Variants in KCNB2 observed in about 807,000 individuals in gnomAD.
KCNB2 encodes potassium voltage-gated channel subfamily B member 2, also known as delayed rectifier potassium channel protein.
Under a neutral mutation model 61.5 loss-of-function variants are expected in KCNB2, and 15 were observed. The ratio of observed to expected loss-of-function variants is 0.24; its 90% CI spans 0.16 to 0.38. The LOEUF (loss-of-function observed/expected upper bound fraction) is 0.38. KCNB2 is among the 10% of genes least tolerant of loss of function. KCNB2 has a pLI of 1.00. For synonymous variants in KCNB2, 457 were observed against 446.0 expected, an observed-to-expected ratio of 1.02 and a Z score of -0.31; for missense variants, 828 against 1,125.2, an observed-to-expected ratio of 0.74 and a Z score of 3.78.
intron 2 of KCNB2, among the ~76,000 whole-genome samples, chr8:72,615,708 T>C (rs1347934500): frequency 1.3e-5 from 2 of 152,210 alleles, no homozygotes; most frequent in African/African-American, 4.8e-5. Context: ...TTGATACCTC[T>C]ACTGTACTCT....
chr8:72,873,610 G>A (rs879413398), intron 2 of KCNB2, among the ~76,000 whole-genome samples: 6 of 152,232 alleles, frequency 3.9e-5, no homozygotes, highest in Non-Finnish European at 5.9e-5. Flanking sequence ...ACCAACAGGT[G>A]AACAAGAACC....
chr8:72,637,553 G>T (rs1261340779), intron 2 of KCNB2, among the ~76,000 whole-genome samples: 1 of 152,112 alleles, frequency 6.6e-6, no homozygotes, highest in Non-Finnish European at 1.5e-5. Flanking sequence ...ATGAGGAAAT[G>T]TAAACAGCAC....
At chr8:72,841,290 C>T (rs1809878831) in intron 2 of KCNB2, among the ~76,000 whole-genome samples, 1 of 144,886 alleles carries the variant, frequency 6.9e-6, no homozygotes, top group African/African-American at 2.6e-5. Flanking sequence ...GTACCATGCT[C>T]TTTTGGTTAC....
intron 2 of KCNB2, among the ~76,000 whole-genome samples, chr8:72,831,535 A>G (rs1414577003): frequency 6.6e-6 from 1 of 152,252 alleles, no homozygotes. Flanking sequence ...GGTGTGATTC[A>G]AACAGTGGAC....
intron 2 of KCNB2, among the ~76,000 whole-genome samples, chr8:72,823,935 A>T (rs1411216713): frequency 2.0e-5 from 3 of 152,174 alleles, no homozygotes; most frequent in Non-Finnish European, 4.4e-5. Flanking sequence ...GGACCCTGGG[A>T]GCCCCATCTT....
At chr8:72,678,394 CCATGTGACTG>C (rs1300910561) in intron 2 of KCNB2, among the ~76,000 whole-genome samples, 1 of 152,180 alleles carries the variant, frequency 6.6e-6, no homozygotes, top group Non-Finnish European at 1.5e-5. Flanking sequence ...CCTGCAGGGT[CCATGTGACTG>C]TTTCTTCACT....
chr8:72,639,066 T>C (rs1489222), intron 2 of KCNB2, among the ~76,000 whole-genome samples: 130,398 of 152,104 alleles, frequency 0.86, 56,115 homozygotes, highest in Admixed American at 0.9. Flanking sequence ...AGTGATGGCA[T>C]GGGCTGATAA....
chr8:72,657,958 C>T (rs946586788), intron 2 of KCNB2, among the ~76,000 whole-genome samples: 7 of 152,116 alleles, frequency 4.6e-5, no homozygotes, highest in African/African-American at 1.4e-4. Context: ...TCAGCTCTTC[C>T]TCCATCTGTC....
At chr8:72,900,414 A>AC (rs1437780510) in intron 2 of KCNB2, among the ~76,000 whole-genome samples, 1 of 152,120 alleles carries the variant, frequency 6.6e-6, no homozygotes, top group Middle Eastern at 3.2e-3. Context: ...CCCAGGAAAT[A>AC]CCCCTCTCAA....
chr8:72,892,615 T>G (rs1232452157), intron 2 of KCNB2, among the ~76,000 whole-genome samples: 1 of 152,128 alleles, frequency 6.6e-6, no homozygotes, highest in Non-Finnish European at 1.5e-5. Flanking sequence ...GCTCCTGAAG[T>G]TTACACAGCT....
At chr8:72,769,991 C>T (rs1441926269) in intron 2 of KCNB2, among the ~76,000 whole-genome samples, 1 of 152,154 alleles carries the variant, frequency 6.6e-6, no homozygotes, top group Non-Finnish European at 1.5e-5. Flanking sequence ...CCTGATAAAA[C>T]CAAAGCCTGG....
At chr8:72,583,767 T>C (rs1423040444) in intron 2 of KCNB2, among the ~76,000 whole-genome samples, 1 of 152,028 alleles carries the variant, frequency 6.6e-6, no homozygotes, top group Non-Finnish European at 1.5e-5. Flanking sequence ...TAAAACTATA[T>C]AGAATGAGTG....
chr8:72,899,443 C>T (rs1159224432), intron 2 of KCNB2, among the ~76,000 whole-genome samples: 2 of 152,264 alleles, frequency 1.3e-5, no homozygotes, highest in South Asian at 2.1e-4. Context: ...CCAACTATCT[C>T]CCTTCACTGA....
At chr8:72,859,592 G>A (rs184662175) in intron 2 of KCNB2, among the ~76,000 whole-genome samples, 2 of 151,328 alleles carry the variant, frequency 1.3e-5, no homozygotes, top group Non-Finnish European at 1.5e-5. Context: ...GCCTATTCTC[G>A]GCATTTCATA....
Position 72,552,994 on chromosome 8 carries a change from G to C in KCNB2, c.-93-14648G>C, listed in dbSNP as rs563505681. On this transcript the variant is annotated intron_variant, in intron 1 of 2. Coordinates refer to ENST00000523207, the MANE Select transcript of KCNB2 (RefSeq NM_004770.3). Reference sequence around the variant, plus strand: ...TCCTTTAACAAGTTCCTTTTCTTTTGCACGTTCATTTCTTTTCCTTTGTGC... The same window carrying C: ...TCCTTTAACAAGTTCCTTTTCTTTTCCACGTTCATTTCTTTTCCTTTGTGC... Among the ~76,000 whole-genome samples, 3 of 150,066 alleles carry C rather than the reference G, an allele frequency of 2.0e-5. No homozygotes were observed. The South Asian group carries it at 6.3e-4, about 32-fold the overall frequency.
chr8:72,714,203 T>C (rs1165593496), intron 2 of KCNB2, among the ~76,000 whole-genome samples: 1 of 152,170 alleles, frequency 6.6e-6, no homozygotes, highest in African/African-American at 2.4e-5. Context: ...CTGAAAGTGA[T>C]GGGGAGAATG....
intron 2 of KCNB2, among the ~76,000 whole-genome samples, chr8:72,842,433 A>C (rs1809908788): frequency 6.6e-6 from 1 of 152,138 alleles, no homozygotes; most frequent in Non-Finnish European, 1.5e-5. Flanking sequence ...TGGTATCAGG[A>C]TGATGCTGGC....
At chr8:72,599,298 A>G (rs1046250949) in intron 2 of KCNB2, among the ~76,000 whole-genome samples, 30 of 152,204 alleles carry the variant, frequency 2.0e-4, no homozygotes, top group Non-Finnish European at 2.9e-4. Context: ...AATGCCGCAT[A>G]TCTACAACTA....
At chr8:72,921,676 C>T (rs1429822791) in intron 2 of KCNB2, among the ~76,000 whole-genome samples, 3 of 152,100 alleles carry the variant, frequency 2.0e-5, no homozygotes, top group Non-Finnish European at 4.4e-5. Context: ...ATATTTCTCC[C>T]GTATTCCACT....
Sources: allele counts gnomAD v4.1 joint callset (sites outside exome capture counted in the v4.1 genomes callset), GRCh38; gene constraint gnomAD v4.1.1; transcripts MANE v1.5; gene names NCBI Gene and HGNC (gene_info 2026-07-23, HGNC 2026-07-21).